Variants in PTK2 observed in about 807,000 individuals in gnomAD.
PTK2 encodes the protein protein tyrosine kinase 2.
PTK2 carries 45 observed loss-of-function variants against 150.1 expected under a neutral mutation model. The ratio of observed to expected loss-of-function variants is 0.30; its 90% CI spans 0.24 to 0.38. The LOEUF (loss-of-function observed/expected upper bound fraction) is 0.38, where lower values mean the gene tolerates loss of function less well. PTK2 is among the 10% of genes least tolerant of loss of function. The pLI, the probability that PTK2 is intolerant of heterozygous loss-of-function variation, is 1.00. For synonymous variants in PTK2, 432 were observed against 449.2 expected, an observed-to-expected ratio of 0.96 and a Z score of 0.48; for missense variants, 919 against 1,307.3, an observed-to-expected ratio of 0.70 and a Z score of 4.58.
intron 2 of PTK2, among the ~76,000 whole-genome samples, chr8:140,916,881 C>A (rs1686847894): frequency 1.3e-5 from 2 of 152,118 alleles, no homozygotes; most frequent in African/African-American, 4.8e-5. Context: ...TCTCTCAGTA[C>A]CTCAATTATC....
At chr8:140,971,911 G>T (rs2100187397) in intron 1 of PTK2, among the ~76,000 whole-genome samples, 1 of 152,146 alleles carries the variant, frequency 6.6e-6, no homozygotes, top group Non-Finnish European at 1.5e-5. Context: ...CCACCAATAG[G>T]AAGTGATTAA....
intron 14 of PTK2, among the ~76,000 whole-genome samples, chr8:140,778,160 G>C (rs931937789): frequency 1.3e-5 from 2 of 152,220 alleles, no homozygotes; most frequent in African/African-American, 4.8e-5. Context: ...ATAGAGGGTA[G>C]ACTGGTAACA....
intron 17 of PTK2, among the ~76,000 whole-genome samples, chr8:140,748,829 A>T (rs1240450386): frequency 1.3e-5 from 2 of 152,232 alleles, no homozygotes; most frequent in Non-Finnish European, 2.9e-5. Context: ...ACTTCACAGA[A>T]CTATAGGATC....
chr8:140,887,846 T>G (rs1436288002), intron 3 of PTK2, among the ~76,000 whole-genome samples: 2 of 152,214 alleles, frequency 1.3e-5, no homozygotes, highest in Non-Finnish European at 1.5e-5. Context: ...ATGTGGTATA[T>G]ATTTTTATAC....
chr8:140,847,510 A>T (rs72683770), intron 5 of PTK2, among the ~76,000 whole-genome samples: 2,687 of 152,284 alleles, frequency 0.018, 40 homozygotes, highest in Non-Finnish European at 0.024. Context: ...AAAATCTGCA[A>T]TTGATTTTGA....
At chr8:140,944,902 T>A (rs528307713) in intron 1 of PTK2, among the ~76,000 whole-genome samples, 1 of 152,334 alleles carries the variant, frequency 6.6e-6, no homozygotes, top group Admixed American at 6.5e-5. Context: ...AAGGTACTCA[T>A]CTCTTGGTTT....
At chr8:140,741,081 C>T (rs2100055369) in intron 20 of PTK2, among the ~76,000 whole-genome samples, 1 of 151,344 alleles carries the variant, frequency 6.6e-6, no homozygotes, top group Non-Finnish European at 1.5e-5. Context: ...GAGGTTGAGG[C>T]TGCAGTGACT....
chr8:140,811,213 T>C (rs771645972), intron 10 of PTK2, among the ~76,000 whole-genome samples: 21 of 152,164 alleles, frequency 1.4e-4, no homozygotes, highest in Non-Finnish European at 2.9e-4. Context: ...GTGCAGTGGA[T>C]TCCTAACCTC....
At chr8:140,898,839 G>T (rs2100157346) in intron 2 of PTK2, among the ~76,000 whole-genome samples, 1 of 152,092 alleles carries the variant, frequency 6.6e-6, no homozygotes, top group African/African-American at 2.4e-5. Context: ...GAGGGAGAGT[G>T]GTGAGGGAGG....
chr8:140,864,500 G>A (rs1006290543), intron 4 of PTK2, 101 bp from the exon 5 acceptor site: 8 of 552,760 alleles, frequency 1.4e-5, no homozygotes, highest in Admixed American at 6.8e-5. Context: ...TAATTACTCT[G>A]AAAGATGATT....
At chr8:140,963,463 C>T (rs1055680470) in intron 1 of PTK2, among the ~76,000 whole-genome samples, 3 of 152,192 alleles carry the variant, frequency 2.0e-5, no homozygotes, top group Admixed American at 6.5e-5. Context: ...TATCTCTCAC[C>T]CCTAAGATCC....
chr8:140,952,333 A>G (rs1436666065), intron 1 of PTK2, among the ~76,000 whole-genome samples: 1 of 152,286 alleles, frequency 6.6e-6, no homozygotes, highest in East Asian at 1.9e-4. Context: ...GGGAACACAA[A>G]TAGAGGGGCT....
In PTK2 at chr8:140,917,369, GAGGGGAGGGC is replaced by G. The variant is rs949688291; in HGVS notation, c.-33+8282_-33+8291del. ...AAGGACAGGAAAGGACAGGAGAGGG[GAGGGGAGGGC>G]AGGGGAGGGCAGATGAGAGGAGAGG... On this transcript the variant is annotated intron_variant, in intron 2 of 31. Coordinates refer to ENST00000522684, the Ensembl canonical transcript of PTK2. Among the ~76,000 whole-genome samples the G allele has an allele frequency of 5.3e-4, 80 of 151,850 alleles. 1 individual carries two copies. Among genetic ancestry groups the G allele is most frequent in the African/African-American group, 1.7e-3 (72 of 41,448 alleles).
chr8:140,818,041 C>T (rs533365946), intron 10 of PTK2, among the ~76,000 whole-genome samples: 93 of 152,302 alleles, frequency 6.1e-4, no homozygotes, highest in Middle Eastern at 3.4e-3. Context: ...CCATTCAGGT[C>T]TCACTAACAC....
chr8:140,797,757 C>T (rs763587876), intron 12 of PTK2, among the ~76,000 whole-genome samples: 3 of 152,104 alleles, frequency 2.0e-5, no homozygotes, highest in Non-Finnish European at 4.4e-5. Flanking sequence ...GAATGCAGTC[C>T]AGGACAATTT....
At chr8:140,968,817 T>C (rs1171273090) in intron 1 of PTK2, among the ~76,000 whole-genome samples, 2 of 152,066 alleles carry the variant, frequency 1.3e-5, no homozygotes, top group Non-Finnish European at 2.9e-5. Context: ...CAAAAGAAAC[T>C]ATGGGAACAG....
chr8:140,682,042 T>C (rs1320510752), intron 27 of PTK2, among the ~76,000 whole-genome samples: 1 of 152,218 alleles, frequency 6.6e-6, no homozygotes, highest in Non-Finnish European at 1.5e-5. Flanking sequence ...ATTTCAGGCA[T>C]TCTCCCCCTG....
At chr8:140,870,410 G>A (rs1175577235) in intron 4 of PTK2, among the ~76,000 whole-genome samples, 2 of 152,132 alleles carry the variant, frequency 1.3e-5, no homozygotes, top group East Asian at 1.9e-4. Flanking sequence ...CAGTAAACAT[G>A]AATGAATGAA....
In PTK2 at chr8:140,793,350, T is replaced by C; in HGVS notation, c.1124+4A>G. On this transcript the variant is annotated splice_donor_region_variant and intron_variant, in intron 13 of 31. Transcript: ENST00000522684. The stretch of plus-strand genomic sequence containing the variant: ...AATAACAGTACAAAAAAAGCAGTAC[T>C]TACTTTGGTATTGATGGCAAAGCCC... The C allele has an allele frequency of 1.2e-6, 2 of 1,608,764 alleles. No individual in the cohort carries two copies. Among genetic ancestry groups the C allele is most frequent in the Non-Finnish European group, 1.7e-6 (2 of 1,178,528 alleles).
Sources: allele counts gnomAD v4.1 joint callset (sites outside exome capture counted in the v4.1 genomes callset), GRCh38; gene constraint gnomAD v4.1.1; transcripts MANE v1.5; gene names NCBI Gene and HGNC (gene_info 2026-07-23, HGNC 2026-07-21).